The following SSPN variants were observed in gnomAD, a reference collection of about 807,000 sequenced individuals.
SSPN encodes the protein K-ras oncogene-associated protein.
In SSPN, 15 loss-of-function variants were observed where a neutral mutation model predicts 19.1. That is an observed-to-expected ratio of 0.78 (90% CI 0.52 to 1.21). The LOEUF (loss-of-function observed/expected upper bound fraction) is 1.21. Ranked by LOEUF, SSPN falls within the 50% of genes most tolerant of loss-of-function variation. The pLI, the probability that SSPN is intolerant of heterozygous loss-of-function variation, is 0.00. For synonymous variants in SSPN, 147 were observed against 140.3 expected, an observed-to-expected ratio of 1.05 and a Z score of -0.34; for missense variants, 291 against 314.0, an observed-to-expected ratio of 0.93 and a Z score of 0.55.
intron 1 of SSPN, among the ~76,000 whole-genome samples, chr12:26,205,561 G>A (rs1165670556): frequency 2.0e-5 from 3 of 152,188 alleles, no homozygotes; most frequent in African/African-American, 7.2e-5. Flanking sequence ...AAGCTATGAA[G>A]GAGGCATTTT....
intron 1 of SSPN, among the ~76,000 whole-genome samples, chr12:26,205,888 C>T (rs1488979779): frequency 6.6e-6 from 1 of 152,206 alleles, no homozygotes. Flanking sequence ...AAGGACCAAA[C>T]CCACACAGGT....
intron 1 of SSPN, chr12:26,124,938 C>A: frequency 1.3e-6 from 1 of 741,854 alleles, no homozygotes; most frequent in Admixed American, 2.0e-5. Flanking sequence ...AGCAGTTGGT[C>A]CCCCCCCTCC....
intron 1 of SSPN, among the ~76,000 whole-genome samples, chr12:26,129,531 A>T (rs1944386088): frequency 6.6e-6 from 1 of 152,212 alleles, no homozygotes; most frequent in Non-Finnish European, 1.5e-5. Flanking sequence ...AGCCAGTATG[A>T]CTTTAAAATA....
intron 1 of SSPN, among the ~76,000 whole-genome samples, chr12:26,218,942 G>C (rs1945089625): frequency 6.6e-6 from 1 of 152,062 alleles, no homozygotes; most frequent in Non-Finnish European, 1.5e-5. Flanking sequence ...TACTTCTCTT[G>C]GTGATCAATT....
At chr12:26,199,333 A>G (rs1380929178) in intron 1 of SSPN, among the ~76,000 whole-genome samples, 2 of 152,206 alleles carry the variant, frequency 1.3e-5, no homozygotes, top group Non-Finnish European at 2.9e-5. Context: ...TCCCCAATCA[A>G]AAGATGATTG....
rs1945230354 is a variant in SSPN at position 26,231,319 on chromosome 12, C to T, written c.*243C>T. On this transcript the variant is annotated 3_prime_UTR_variant, in exon 3 of 3. Transcript: ENST00000242729. ...TTTGGGATATTAAAAGTTAACAGAA[C>T]ACTGAACAAGGAAAGAATGGCATAG... The T allele has an allele frequency of 4.1e-6, 2 of 483,122 alleles. No homozygotes were observed. Among genetic ancestry groups the T allele is most frequent in the Non-Finnish European group, 6.9e-6 (2 of 289,202 alleles). 29.9% of individuals were successfully genotyped at this position (483,122 alleles called of 1,614,324 possible). A position where few individuals can be genotyped will look rare whatever the true frequency, so the allele number is the denominator to read the frequency against.
chr12:26,137,640 A>G (rs181172137), intron 1 of SSPN, among the ~76,000 whole-genome samples: 38 of 27,006 alleles, frequency 1.4e-3, no homozygotes, highest in African/African-American at 3.5e-3. Flanking sequence ...GTGTATGTAT[A>G]TATATATATA....
At chr12:26,210,395 T>A (rs997569075) in intron 1 of SSPN, among the ~76,000 whole-genome samples, 1 of 152,138 alleles carries the variant, frequency 6.6e-6, no homozygotes, top group African/African-American at 2.4e-5. Context: ...TCCTCCTAGA[T>A]TTGTCAAAAT....
chr12:26,132,575 G>A (rs1171346165), intron 1 of SSPN, among the ~76,000 whole-genome samples: 1 of 152,162 alleles, frequency 6.6e-6, no homozygotes, highest in African/African-American at 2.4e-5. Context: ...CACTAGCAAA[G>A]AAAATGCTTT....
At chr12:26,214,747 T>C (rs1945027836) in intron 1 of SSPN, 1 of 152,182 alleles carries the variant, frequency 6.6e-6, no homozygotes. Flanking sequence ...AGGGAAAGAG[T>C]ACATTTTGTG....
chr12:26,124,207 G>C (rs753796704), intron 1 of SSPN: 1 of 1,445,662 alleles, frequency 6.9e-7, no homozygotes, highest in East Asian at 2.3e-5. Context: ...ATGGAAAAGA[G>C]AAAACAGTAA....
chr12:26,162,915 C>T (rs780806346), intron 1 of SSPN, among the ~76,000 whole-genome samples: 13 of 151,968 alleles, frequency 8.6e-5, no homozygotes, highest in Admixed American at 6.6e-5. Flanking sequence ...TAGAGTAATA[C>T]CCAAATTAAG....
intron 1 of SSPN, among the ~76,000 whole-genome samples, chr12:26,128,952 A>C (rs1331218385): frequency 2.0e-5 from 3 of 152,228 alleles, no homozygotes; most frequent in Non-Finnish European, 4.4e-5. Flanking sequence ...CTGTGACTTT[A>C]GAAGGCCTTA....
intron 1 of SSPN, among the ~76,000 whole-genome samples, chr12:26,165,344 C>G (rs980011582): frequency 2.0e-5 from 3 of 152,174 alleles, no homozygotes; most frequent in Non-Finnish European, 4.4e-5. Context: ...CTGGTAAAAT[C>G]TAAGCCTTCC....
At chr12:26,146,826 A>AAAAAAAAAAAAG (rs1475161008) in intron 1 of SSPN, among the ~76,000 whole-genome samples, 2 of 151,688 alleles carry the variant, frequency 1.3e-5, no homozygotes. Context: ...TCTAAAAAAA[A>AAAAAAAAAAAAG]AAAAGAAAGA....
chr12:26,199,224 A>G (rs1944856696), intron 1 of SSPN, among the ~76,000 whole-genome samples: 1 of 152,212 alleles, frequency 6.6e-6, no homozygotes, highest in South Asian at 2.1e-4. Context: ...GTTACAGACT[A>G]AAGAGGCCCT....
intron 1 of SSPN, among the ~76,000 whole-genome samples, chr12:26,188,646 T>C (rs1944768800): frequency 6.6e-6 from 1 of 152,230 alleles, no homozygotes; most frequent in Admixed American, 6.5e-5. Context: ...TAAAGAAATG[T>C]TGTTTGTATC....
At chr12:26,147,013 A>G (rs1275191724) in intron 1 of SSPN, among the ~76,000 whole-genome samples, 1 of 152,120 alleles carries the variant, frequency 6.6e-6, no homozygotes, top group Non-Finnish European at 1.5e-5. Context: ...AAAATGACTG[A>G]TAACAAGGAT....
intron 1 of SSPN, among the ~76,000 whole-genome samples, chr12:26,221,338 CT>C (rs773091263): frequency 1.3e-5 from 2 of 152,134 alleles, no homozygotes; most frequent in Non-Finnish European, 2.9e-5. Context: ...AGATGTAGTC[CT>C]AGTACTTTTA....
Sources: allele counts gnomAD v4.1 joint callset (sites outside exome capture counted in the v4.1 genomes callset), GRCh38; gene constraint gnomAD v4.1.1; transcripts MANE v1.5; gene names NCBI Gene and HGNC (gene_info 2026-07-23, HGNC 2026-07-21).